TENM2: variants seen among roughly 807,000 people sequenced by gnomAD.
TENM2 encodes teneurin transmembrane protein 2, also known as teneurin-2.
A neutral mutation model predicts 245.2 loss-of-function variants in TENM2; 52 were observed. The ratio of observed to expected loss-of-function variants is 0.21; its 90% CI spans 0.17 to 0.27. TENM2 has a LOEUF of 0.27. TENM2 is among the 10% of genes least tolerant of loss of function. The pLI, the probability that TENM2 is intolerant of heterozygous loss-of-function variation, is 1.00. For synonymous variants in TENM2, 1,363 were observed against 1,438.9 expected (o/e 0.95, Z 1.19); for missense variants, 3,046 against 3,666.8 (o/e 0.83, Z 4.37).
intron 2 of TENM2, among the ~76,000 whole-genome samples, chr5:167,436,003 A>C (rs1582039940): frequency 2.0e-5 from 2 of 99,520 alleles, no homozygotes; most frequent in African/African-American, 8.3e-5. Flanking sequence ...TTTGAGACAG[A>C]GTTTTGCTGT....
At chr5:168,059,234 T>G (rs547535593) in intron 6 of TENM2, among the ~76,000 whole-genome samples, 1 of 152,170 alleles carries the variant, frequency 6.6e-6, no homozygotes, top group Non-Finnish European at 1.5e-5. Flanking sequence ...TCTGAATTTC[T>G]CCAGAACAGC....
At chr5:167,528,630 T>A (rs1295982654) in intron 2 of TENM2, among the ~76,000 whole-genome samples, 1 of 152,054 alleles carries the variant, frequency 6.6e-6, no homozygotes, top group African/African-American at 2.4e-5. Context: ...ATGGAGAAAA[T>A]TTTTTAACTT....
intron 2 of TENM2, among the ~76,000 whole-genome samples, chr5:167,547,117 G>C (rs1036960118): frequency 2.0e-5 from 3 of 152,152 alleles, no homozygotes; most frequent in Non-Finnish European, 4.4e-5. Flanking sequence ...CAGAATTTCA[G>C]TCTTGTTGTC....
chr5:167,766,257 A>G (rs1296407558), intron 2 of TENM2, among the ~76,000 whole-genome samples: 1 of 152,094 alleles, frequency 6.6e-6, no homozygotes, highest in Non-Finnish European at 1.5e-5. Context: ...ATGTGCGAGT[A>G]TTCTAAGCTG....
intron 2 of TENM2, among the ~76,000 whole-genome samples, chr5:167,516,591 C>G (rs1002151467): frequency 1.1e-4 from 16 of 152,214 alleles, no homozygotes; most frequent in African/African-American, 3.9e-4. Context: ...TACCCACCTT[C>G]TGCCTAGGCT....
chr5:167,601,428 A>G (rs776836383), intron 2 of TENM2, among the ~76,000 whole-genome samples: 20 of 152,260 alleles, frequency 1.3e-4, no homozygotes, highest in Non-Finnish European at 2.6e-4. Context: ...CTGGTCTACA[A>G]TGTATCATCT....
chr5:167,356,893 G>A (rs1220357129), intron 1 of TENM2, among the ~76,000 whole-genome samples: 3 of 152,020 alleles, frequency 2.0e-5, no homozygotes, highest in East Asian at 1.9e-4. Context: ...GAAAGCAAAT[G>A]TATTGCTTTT....
Position 167,337,822 on chromosome 5 carries a change from G to A in TENM2, c.227-37376G>A, listed in dbSNP as rs541030260. On this transcript the variant is annotated intron_variant, in intron 1 of 28. Transcript: ENST00000518659. The stretch of plus-strand genomic sequence containing the variant: ...GGAAATGTAGTTGAGATTATAAAAG[G>A]TTCATACCAAAATGTGACCAATTTC... Among the ~76,000 whole-genome samples the A allele has an allele frequency of 5.9e-5, 9 of 152,238 alleles. No homozygotes were observed. In the East Asian group the frequency reaches 1.7e-3, roughly 29 times the overall value.
chr5:167,490,655 G>A (rs1277602987), intron 2 of TENM2, among the ~76,000 whole-genome samples: 1 of 152,014 alleles, frequency 6.6e-6, no homozygotes, highest in Non-Finnish European at 1.5e-5. Flanking sequence ...AAAATTAGTA[G>A]ACATTATGCC....
At chr5:167,930,344 G>A (rs1392429698) in intron 3 of TENM2, among the ~76,000 whole-genome samples, 1 of 152,162 alleles carries the variant, frequency 6.6e-6, no homozygotes, top group African/African-American at 2.4e-5. Context: ...AAATAAGTTA[G>A]TGATAATATA....
chr5:167,376,339 G>A (rs1452585030), intron 2 of TENM2, among the ~76,000 whole-genome samples: 1 of 152,104 alleles, frequency 6.6e-6, no homozygotes, highest in Non-Finnish European at 1.5e-5. Context: ...TAGATGGCAT[G>A]TTTGCTAAAA....
chr5:167,656,689 G>A (rs1266712875), intron 2 of TENM2, among the ~76,000 whole-genome samples: 5 of 151,998 alleles, frequency 3.3e-5, no homozygotes, highest in Admixed American at 2.0e-4. Context: ...AACAAGTTGT[G>A]TGAAGGAAAA....
chr5:168,136,488 C>A (rs1022544728), intron 12 of TENM2, among the ~76,000 whole-genome samples: 3 of 152,232 alleles, frequency 2.0e-5, no homozygotes, highest in African/African-American at 7.2e-5. Context: ...TGTGTTCCCC[C>A]GTGCCAGCAG....
intron 5 of TENM2, among the ~76,000 whole-genome samples, chr5:168,018,419 A>G (rs2151894912): frequency 6.6e-6 from 1 of 151,124 alleles, no homozygotes; most frequent in Non-Finnish European, 1.5e-5. Context: ...ATAAGGAAAT[A>G]AGTATTTCCA....
At chr5:167,698,554 C>T (rs1364401633) in intron 2 of TENM2, among the ~76,000 whole-genome samples, 1 of 152,160 alleles carries the variant, frequency 6.6e-6, no homozygotes, top group Admixed American at 6.5e-5. Flanking sequence ...CACAGATATA[C>T]TGTACTGCAG....
intron 13 of TENM2, among the ~76,000 whole-genome samples, chr5:168,183,893 A>G (rs561618385): frequency 6.6e-6 from 1 of 152,194 alleles, no homozygotes; most frequent in Admixed American, 6.5e-5. Flanking sequence ...GTAGGTGACA[A>G]GGTGCTCACA....
At chr5:167,426,546 CAAAA>C (rs59491444) in intron 2 of TENM2, among the ~76,000 whole-genome samples, 21 of 102,250 alleles carry the variant, frequency 2.1e-4, no homozygotes, top group African/African-American at 5.5e-4. Context: ...CTTGCCTTTA[CAAAA>C]AAAAAAAAAA....
At chr5:167,950,619 G>A (rs923703758) in intron 3 of TENM2, among the ~76,000 whole-genome samples, 3 of 152,154 alleles carry the variant, frequency 2.0e-5, no homozygotes, top group Admixed American at 1.3e-4. Flanking sequence ...GGAGTTGAGA[G>A]AGGGGGAAAG....
At chr5:168,243,621 C>T (rs1455088003) in intron 25 of TENM2, among the ~76,000 whole-genome samples, 1 of 152,202 alleles carries the variant, frequency 6.6e-6, no homozygotes, top group Non-Finnish European at 1.5e-5. Context: ...ATTAGCTTCT[C>T]AGCTAATGAT....
Sources: allele counts gnomAD v4.1 joint callset (sites outside exome capture counted in the v4.1 genomes callset), GRCh38; gene constraint gnomAD v4.1.1; transcripts MANE v1.5; gene names NCBI Gene and HGNC (gene_info 2026-07-23, HGNC 2026-07-21).